The following SORL1 variants were observed in gnomAD, a reference collection of about 807,000 sequenced individuals.
SORL1 encodes the protein sortilin-related receptor.
In SORL1, 127 loss-of-function variants were observed where a neutral mutation model predicts 273.7. That is an observed-to-expected ratio of 0.46 (90% CI 0.40 to 0.54). The LOEUF (loss-of-function observed/expected upper bound fraction) is 0.54. Among genes scored for constraint, SORL1 ranks in the 20% least tolerant of loss-of-function variants. The probability of loss-of-function intolerance (pLI) is 0.00; values close to 1 mark genes in which losing one functional copy is unlikely to be tolerated. For missense variants in SORL1, 2,494 were observed against 2,846.1 expected, an observed-to-expected ratio of 0.88 and a Z score of 2.81; for synonymous variants, 1,031 against 1,067.4, an observed-to-expected ratio of 0.97 and a Z score of 0.66.
At chr11:121,570,401 G>C (rs1862823272) in intron 23 of SORL1, 131 bp downstream of exon 23, 1 of 569,874 alleles carries the variant, frequency 1.8e-6, no homozygotes, top group Non-Finnish European at 3.2e-6. Context: ...AGTTGATGGG[G>C]CTTAGATGAC....
At position 121,532,570 on chromosome 11, in the gene SORL1, G is replaced by A. The variant is rs1862217298; in HGVS notation, c.1685+18G>A. The A allele has an allele frequency of 3.7e-6, 6 of 1,603,246 alleles. No individual in the cohort carries two copies. The highest frequency in any genetic ancestry group is 5.1e-6 in the Non-Finnish European group (6 of 1,170,486). ...GAGCTAAAGTAAGTGTCTCTGATGAGGCCTTTTAACATCAAACTTTCTCCC... is the reference window on the plus strand; with the variant it reads ...GAGCTAAAGTAAGTGTCTCTGATGAAGCCTTTTAACATCAAACTTTCTCCC... On this transcript the variant is annotated intron_variant, in intron 12 of 47. Transcript: ENST00000260197.
chr11:121,522,473 C>G, intron 9 of SORL1, 113 bp from the exon 10 acceptor site: 1 of 779,776 alleles, frequency 1.3e-6, no homozygotes, highest in East Asian at 2.4e-5. Context: ...TCCCCTGGGC[C>G]AGGCCTCCTT....
At chr11:121,598,840 G>A (rs528358426) in intron 32 of SORL1, among the ~76,000 whole-genome samples, 4 of 152,172 alleles carry the variant, frequency 2.6e-5, no homozygotes, top group Non-Finnish European at 5.9e-5. Context: ...GACCCCCATC[G>A]TTGATGCGTC....
At chr11:121,526,822 C>A (rs886908209) in intron 11 of SORL1, among the ~76,000 whole-genome samples, 1 of 151,998 alleles carries the variant, frequency 6.6e-6, no homozygotes, top group African/African-American at 2.4e-5. Context: ...TTCATTAGTT[C>A]TAGTAGGTTT....
intron 44 of SORL1, among the ~76,000 whole-genome samples, 176 bp from the exon 45 acceptor site, chr11:121,621,986 C>G (rs550767492): frequency 2.6e-5 from 4 of 152,300 alleles, no homozygotes; most frequent in Admixed American, 2.6e-4. Flanking sequence ...AAAAGAGATG[C>G]CAATAAAGAA....
At chr11:121,470,185 C>G (rs1187413966) in intron 2 of SORL1, 62 bp downstream of exon 2, 1 of 1,037,938 alleles carries the variant, frequency 9.6e-7, no homozygotes, top group East Asian at 2.4e-5. Flanking sequence ...TTCTGGTCCA[C>G]TGGGATTATC....
At chr11:121,571,448 G>T (rs1461055690) in intron 23 of SORL1, among the ~76,000 whole-genome samples, 3 of 152,376 alleles carry the variant, frequency 2.0e-5, no homozygotes, top group South Asian at 2.1e-4. Context: ...TGTGATGAAA[G>T]TTCATCTTTG....
intron 1 of SORL1, among the ~76,000 whole-genome samples, chr11:121,464,724 C>T (rs1393842247): frequency 2.0e-5 from 3 of 152,158 alleles, no homozygotes; most frequent in Admixed American, 6.5e-5. Flanking sequence ...TGTGAGCTGG[C>T]GGTGGATGCT....
At chr11:121,557,438 C>G (rs749801148) in intron 19 of SORL1, 33 bp downstream of exon 19, 3 of 1,443,662 alleles carry the variant, frequency 2.1e-6, no homozygotes, top group Non-Finnish European at 2.9e-6. Context: ...ATCAGTCTTG[C>G]GTCCAATGCT....
chr11:121,517,885 C>T lies in SORL1; in HGVS notation c.1212-2772C>T, dbSNP rs534048248. On this transcript the variant is annotated intron_variant, in intron 8 of 47. Transcript: ENST00000260197. Reference sequence around the variant, plus strand: ...GTGAAATGGGATAAAGGTGAATTAGCACATCGTGTGGGCAGGCTGGTTTAG... The same window carrying T: ...GTGAAATGGGATAAAGGTGAATTAGTACATCGTGTGGGCAGGCTGGTTTAG... Among the ~76,000 whole-genome samples the T allele has an allele frequency of 2.0e-5, 3 of 152,328 alleles. No homozygotes were observed. In the East Asian group the frequency reaches 5.8e-4, roughly 29 times the overall value.
In SORL1 at chr11:121,622,235, G is replaced by C; in HGVS notation, c.6138G>C (p.Leu2046=). ...NDHVLLFWKS[L]ALKEKHFNES... ...ATGTTCTTCTGTTTTGGAAAAGCCT[G>C]GCTTTAAAGGAAAAGCATTTTAATG... The change falls in exon 45 of 48, where the codon CTG becomes CTC. Residue 2046 remains leucine, a synonymous_variant. Coordinates refer to ENST00000260197, the MANE Select transcript of SORL1 (RefSeq NM_003105.6). The C allele has an allele frequency of 1.9e-6, 3 of 1,611,464 alleles. No individual in the cohort carries two copies. The highest frequency in any genetic ancestry group is 2.5e-6 in the Non-Finnish European group (3 of 1,178,194).
In SORL1 at chr11:121,633,205, G is replaced by A. The variant is rs977030156; in HGVS notation, c.*3642G>A. ...TGTTTTCAGATGGAGTACCAGCACC[G>A]AAAATGGGTTGAGGGAGGATGGGTT... is the stretch of plus-strand genomic sequence containing the variant. On this transcript the variant is annotated 3_prime_UTR_variant, in exon 48 of 48. Coordinates refer to ENST00000260197, the MANE Select transcript of SORL1 (RefSeq NM_003105.6). The A allele has an allele frequency of 6.6e-6, 1 of 152,174 alleles. No individual in the cohort carries two copies. Among genetic ancestry groups the A allele is most frequent in the South Asian group, 2.1e-4 (1 of 4,822 alleles). 9.4% of individuals were successfully genotyped at this position (152,174 alleles called of 1,614,324 possible).
At chr11:121,588,687 A>G (rs1863159735) in intron 28 of SORL1, among the ~76,000 whole-genome samples, 1 of 152,180 alleles carries the variant, frequency 6.6e-6, no homozygotes, top group African/African-American at 2.4e-5. Flanking sequence ...GCTGTAGCAG[A>G]GTACCACAGA....
chr11:121,604,099 T>C, intron 32 of SORL1, 94 bp from the exon 33 acceptor site: 1 of 1,483,788 alleles, frequency 6.7e-7, no homozygotes. Context: ...CAGAAGCCAA[T>C]TAGTACTTTG....
chr11:121,583,092 T>C (rs1431741002), intron 25 of SORL1, among the ~76,000 whole-genome samples: 1 of 152,232 alleles, frequency 6.6e-6, no homozygotes, highest in Non-Finnish European at 1.5e-5. Flanking sequence ...GGCCTTGGAC[T>C]GCCTTGGTGT....
At chr11:121,567,765 A>G (rs1385677650) in intron 22 of SORL1, among the ~76,000 whole-genome samples, 3 of 152,146 alleles carry the variant, frequency 2.0e-5, no homozygotes, top group South Asian at 2.1e-4. Flanking sequence ...TACTGTCACC[A>G]CTTCCCCCGC....
chr11:121,548,222 G>A (rs1862461675), intron 14 of SORL1, among the ~76,000 whole-genome samples: 1 of 152,162 alleles, frequency 6.6e-6, no homozygotes, highest in South Asian at 2.1e-4. Context: ...TTTTTGGGAG[G>A]GGAAGAATCT....
At chr11:121,571,221 A>C (rs1019243591) in intron 23 of SORL1, among the ~76,000 whole-genome samples, 2 of 152,226 alleles carry the variant, frequency 1.3e-5, no homozygotes, top group African/African-American at 2.4e-5. Flanking sequence ...AGAGCTCTGG[A>C]GAGTGTCTGG....
rs76132266 is a variant in SORL1 at position 121,561,236 on chromosome 11, G to C, written c.3049+1579G>C. Among the ~76,000 whole-genome samples the C allele has an allele frequency of 1.7e-4, 26 of 152,326 alleles. No homozygotes were observed. The East Asian group carries it at 2.9e-3, about 17-fold the overall frequency. On this transcript the variant is annotated intron_variant, in intron 21 of 47. Transcript: ENST00000260197. Reference sequence around the variant, plus strand: ...GAAACACTGTGTGCAGATGAAGCCAGTGGCTACCCGGTCACAACTTACTTC... The same window carrying C: ...GAAACACTGTGTGCAGATGAAGCCACTGGCTACCCGGTCACAACTTACTTC...
Sources: gnomAD v4.1 joint callset for allele counts (sites outside exome capture counted in the v4.1 genomes callset) on GRCh38, gnomAD v4.1.1 for gene constraint, MANE v1.5 for transcripts, NCBI Gene and HGNC (gene_info 2026-07-23, HGNC 2026-07-21) for gene names.